The following ZNF385B variants were observed in gnomAD, a reference collection of about 807,000 sequenced individuals.
ZNF385B encodes zinc finger protein 533.
In ZNF385B, 23 loss-of-function variants were observed where a neutral mutation model predicts 39.2. The ratio of observed to expected loss-of-function variants is 0.59; its 90% CI spans 0.42 to 0.83. The LOEUF (loss-of-function observed/expected upper bound fraction) is 0.83, where lower values mean the gene tolerates loss of function less well. ZNF385B is among the 40% of genes least tolerant of loss of function. The pLI is 0.00. For synonymous variants in ZNF385B, 205 were observed against 222.6 expected, an observed-to-expected ratio of 0.92 and a Z score of 0.70; for missense variants, 552 against 598.9, an observed-to-expected ratio of 0.92 and a Z score of 0.82.
chr2:179,444,730 A>G (rs1559224226), intron 9 of ZNF385B, 146 bp downstream of exon 9: 1 of 691,118 alleles, frequency 1.4e-6, no homozygotes, highest in East Asian at 2.6e-5. Context: ...GGAACTAAGC[A>G]GTTCATTCTA....
At chr2:179,624,516 C>T (rs879392910) in intron 3 of ZNF385B, among the ~76,000 whole-genome samples, 9 of 152,166 alleles carry the variant, frequency 5.9e-5, no homozygotes, top group Non-Finnish European at 1.3e-4. Context: ...CTAATAGGAC[C>T]TCCTCACATA....
chr2:179,539,248 G>C (rs1302354799), intron 4 of ZNF385B, among the ~76,000 whole-genome samples: 2 of 152,162 alleles, frequency 1.3e-5, no homozygotes, highest in Non-Finnish European at 2.9e-5. Flanking sequence ...CCATGGCAAA[G>C]AGGAGGGAAA....
At chr2:179,523,265 T>A (rs2058634743) in intron 4 of ZNF385B, among the ~76,000 whole-genome samples, 2 of 151,668 alleles carry the variant, frequency 1.3e-5, no homozygotes, top group South Asian at 4.2e-4. Flanking sequence ...CCTTATATCA[T>A]CTATCATATT....
intron 1 of ZNF385B, among the ~76,000 whole-genome samples, chr2:179,835,123 G>T (rs561104426): frequency 4.9e-4 from 74 of 152,300 alleles, no homozygotes; most frequent in African/African-American, 1.7e-3. Flanking sequence ...TAGAAGTATT[G>T]TATTGTTAAA....
rs777417018 is a variant in ZNF385B at position 179,443,216 on chromosome 2, C to T, written c.*34G>A. 1 of 1,610,572 alleles carries T rather than the reference C, an allele frequency of 6.2e-7. No homozygotes were observed. Among genetic ancestry groups the T allele is most frequent in the South Asian group, 1.1e-5 (1 of 90,946 alleles). ...CCTTGTGGCTTTCTTTCTCAACTTC[C>T]TACTGGCCTCAAACGTCTTGGGGTT... On this transcript the variant is annotated 3_prime_UTR_variant, in exon 10 of 10. Coordinates refer to ENST00000410066, the MANE Select transcript of ZNF385B (RefSeq NM_152520.6).
At chr2:179,556,857 A>G (rs962714863) in intron 3 of ZNF385B, among the ~76,000 whole-genome samples, 7 of 149,204 alleles carry the variant, frequency 4.7e-5, no homozygotes, top group Admixed American at 2.7e-4. Flanking sequence ...AGAAAAATGT[A>G]TATCTAGAAC....
intron 6 of ZNF385B, among the ~76,000 whole-genome samples, chr2:179,467,253 A>T (rs1291759862): frequency 6.6e-6 from 1 of 152,126 alleles, no homozygotes; most frequent in Admixed American, 6.6e-5. Context: ...GTCTAATTCC[A>T]AATGTCCCCA....
rs1295772777 is a variant in ZNF385B, at chr2:179,559,923, T to C, written c.299-14954A>G. Among the ~76,000 whole-genome samples, 7 of 152,260 alleles carry C rather than the reference T, an allele frequency of 4.6e-5. No individual in the cohort carries two copies. The East Asian group carries it at 1.4e-3, about 29-fold the overall frequency. ...GACAATATTGGCCTACATCTCCCCA[T>C]ATTCCCCTCTCTCCCACAGTCTGAC... On this transcript the variant is annotated intron_variant, in intron 3 of 9. Transcript: ENST00000410066.
chr2:179,742,722 T>A (rs1348574640), intron 3 of ZNF385B, among the ~76,000 whole-genome samples: 1 of 152,026 alleles, frequency 6.6e-6, no homozygotes, highest in Non-Finnish European at 1.5e-5. Flanking sequence ...ACTCTATAAA[T>A]TGCCCAAATT....
intron 3 of ZNF385B, among the ~76,000 whole-genome samples, chr2:179,716,407 G>C (rs1159881442): frequency 2.6e-5 from 4 of 151,966 alleles, no homozygotes; most frequent in African/African-American, 4.8e-5. Flanking sequence ...TTCTGTTGTA[G>C]TTCTATTACA....
At chr2:179,511,283 A>G (rs2057663384) in intron 5 of ZNF385B, among the ~76,000 whole-genome samples, 1 of 152,156 alleles carries the variant, frequency 6.6e-6, no homozygotes, top group African/African-American at 2.4e-5. Flanking sequence ...GGTGACAGAG[A>G]ATGCCAGCGC....
chr2:179,859,783 T>C (rs2367797), intron 1 of ZNF385B, among the ~76,000 whole-genome samples: 59,677 of 152,050 alleles, frequency 0.39, 12,097 homozygotes, highest in Admixed American at 0.5. Flanking sequence ...CTTGCAATGC[T>C]GTATTTTGCA....
chr2:179,732,678 T>C (rs992333), intron 3 of ZNF385B, among the ~76,000 whole-genome samples: 148,646 of 152,254 alleles, frequency 0.98, 72,641 homozygotes, highest in Non-Finnish European at 1. Context: ...AGCATTAAAC[T>C]CCTAGAAGCA....
chr2:179,523,930 G>A (rs565024916), intron 4 of ZNF385B, among the ~76,000 whole-genome samples: 1 of 152,232 alleles, frequency 6.6e-6, no homozygotes, highest in East Asian at 1.9e-4. Flanking sequence ...CTACAGGCAT[G>A]TGCCACTGTG....
At chr2:179,585,007 G>T (rs1686940107) in intron 3 of ZNF385B, among the ~76,000 whole-genome samples, 2 of 152,096 alleles carry the variant, frequency 1.3e-5, no homozygotes, top group South Asian at 4.2e-4. Flanking sequence ...GTAAGATGAG[G>T]AGTGACACAC....
intron 3 of ZNF385B, among the ~76,000 whole-genome samples, chr2:179,595,712 A>C (rs1687944923): frequency 6.7e-6 from 1 of 148,226 alleles, no homozygotes; most frequent in African/African-American, 2.5e-5. Context: ...TACAATCTTG[A>C]CCTCCTGGGC....
chr2:179,542,749 C>T lies in ZNF385B; in HGVS notation c.441+2078G>A, dbSNP rs551043628. Among the ~76,000 whole-genome samples, 8 of 151,960 alleles carry T rather than the reference C, an allele frequency of 5.3e-5. No homozygotes were observed. In the East Asian group the frequency reaches 5.8e-4, roughly 11 times the overall value. The stretch of plus-strand genomic sequence containing the variant: ...AACAGATTAGTGCTAATCATATGAT[C>T]GCAATTGTAAAAAAAAACTGTGACT... On this transcript the variant is annotated intron_variant, in intron 4 of 9. Coordinates refer to ENST00000410066, the MANE Select transcript of ZNF385B (RefSeq NM_152520.6).
chr2:179,696,582 C>T (rs111976220), intron 3 of ZNF385B, among the ~76,000 whole-genome samples: 2,299 of 151,934 alleles, frequency 0.015, 67 homozygotes, highest in African/African-American at 0.051. Flanking sequence ...AGTGATACTC[C>T]CATGCACAGT....
chr2:179,532,590 C>T (rs2059319424), intron 4 of ZNF385B, among the ~76,000 whole-genome samples: 1 of 152,128 alleles, frequency 6.6e-6, no homozygotes, highest in African/African-American at 2.4e-5. Context: ...GCTTTCTTTC[C>T]TGAAATTCAG....
Sources: gnomAD v4.1 joint callset for allele counts (sites outside exome capture counted in the v4.1 genomes callset) on GRCh38, gnomAD v4.1.1 for gene constraint, MANE v1.5 for transcripts, NCBI Gene and HGNC (gene_info 2026-07-23, HGNC 2026-07-21) for gene names.